TNFRSF1B: variants seen among roughly 807,000 people sequenced by gnomAD.
TNFRSF1B encodes the protein tumor necrosis factor receptor superfamily member 1B.
A neutral mutation model predicts 44.6 loss-of-function variants in TNFRSF1B; 19 were observed. The observed-to-expected ratio is 0.43, with a 90% CI of 0.30 to 0.62. TNFRSF1B has a LOEUF of 0.62. Ranked by LOEUF, TNFRSF1B falls within the 20% of genes least tolerant of loss-of-function variation. The pLI is 0.16. For missense variants in TNFRSF1B, 541 were observed against 619.9 expected (o/e 0.87, Z 1.35); for synonymous variants, 252 against 261.1 (o/e 0.97, Z 0.34).
intron 1 of TNFRSF1B, among the ~76,000 whole-genome samples, chr1:12,176,522 C>T (rs1638660374): frequency 6.6e-6 from 1 of 152,180 alleles, no homozygotes; most frequent in African/African-American, 2.4e-5. Context: ...CTATGAACTC[C>T]TTTATTTAAA....
intron 1 of TNFRSF1B, among the ~76,000 whole-genome samples, chr1:12,173,247 C>G (rs5745961): frequency 2.0e-5 from 3 of 152,108 alleles, no homozygotes; most frequent in Non-Finnish European, 2.9e-5. Context: ...GGGGAAGTGT[C>G]GGCTTTGAGT....
At chr1:12,174,166 C>CTTCTTCTTCTTCTT (rs1557623710) in intron 1 of TNFRSF1B, among the ~76,000 whole-genome samples, 36 of 55,886 alleles carry the variant, frequency 6.4e-4, no homozygotes, top group African/African-American at 1.1e-3. Flanking sequence ...TTCTTCTTCT[C>CTTCTTCTTCTTCTT]CTTCTCCTTC....
chr1:12,198,243 G>A (rs1639312630), intron 8 of TNFRSF1B, among the ~76,000 whole-genome samples: 1 of 152,180 alleles, frequency 6.6e-6, no homozygotes, highest in East Asian at 1.9e-4. Flanking sequence ...GGTGTTGAAC[G>A]GATGCCAGGC....
intron 1 of TNFRSF1B, among the ~76,000 whole-genome samples, chr1:12,182,562 T>TTGAA (rs17885226): frequency 0.21 from 31,170 of 152,006 alleles, 3,338 homozygotes; most frequent in South Asian, 0.26. Flanking sequence ...AGCACGTCTG[T>TTGAA]TGAATGAATG....
At chr1:12,175,063 G>A (rs1638620236) in intron 1 of TNFRSF1B, among the ~76,000 whole-genome samples, 1 of 152,246 alleles carries the variant, frequency 6.6e-6, no homozygotes, top group Non-Finnish European at 1.5e-5. Flanking sequence ...CGCCTGAGTG[G>A]GAGAGCAGAG....
rs1638405343 is a variant in TNFRSF1B at position 12,167,081 on chromosome 1, C to T, written c.-11C>T. 1 of 1,318,068 alleles carries T rather than the reference C, an allele frequency of 7.6e-7. No homozygotes were observed. Among genetic ancestry groups the T allele is most frequent in the Non-Finnish European group, 9.7e-7 (1 of 1,032,344 alleles). The allele number at this position is 1,318,068 out of a possible 1,614,324, so 81.6% of individuals were successfully genotyped here. ...GCGAGGGCAGGGGGCAACCGGACCC[C>T]GCCCGCACCCATGGCGCCCGTCGCC... On this transcript the variant is annotated 5_prime_UTR_variant, in exon 1 of 10. Transcript: ENST00000376259.
chr1:12,174,160 TCTTCTCCTTCTCCTTCTCCTTCTC>T lies in TNFRSF1B; in HGVS notation c.78+7069_78+7092del, dbSNP rs1197180713. ...TTCTTCTTCTTCTTCTTCTTCTTCT[TCTTCTCCTTCTCCTTCTCCTTCTC>T]CTTCTCCTTCTCCTTCTCCTTCTCC... On this transcript the variant is annotated intron_variant, in intron 1 of 9. Transcript: ENST00000376259. Among the ~76,000 whole-genome samples, 297 of 67,714 alleles carry T rather than the reference TCTTCTCCTTCTCCTTCTCCTTCTC, an allele frequency of 4.4e-3. 3 individuals are homozygous for T. Among genetic ancestry groups the T allele is most frequent in the African/African-American group, 9.6e-3 (178 of 18,454 alleles). The allele number at this position is 67,714 out of a possible 152,430, so 44.4% of individuals were successfully genotyped here.
intron 8 of TNFRSF1B, among the ~76,000 whole-genome samples, chr1:12,200,938 AT>A (rs201852144): frequency 1.2e-4 from 18 of 150,390 alleles, no homozygotes; most frequent in African/African-American, 2.2e-4. Context: ...ATTCTTAAAC[AT>A]TTTTTTTTCA....
chr1:12,193,938 TTC>T lies in TNFRSF1B; in HGVS notation c.788-13_788-12del. 6.2e-7 allele frequency: 1 copy of T among 1,610,212 alleles called. No individual in the cohort carries two copies. ...GTTTGTTTTCTGTAGCTGTCTGAGC[TTC>T]TCTTTTCTTTCTAGGACTGATTGTG... On this transcript the variant is annotated splice_polypyrimidine_tract_variant and intron_variant, in intron 6 of 9. Transcript: ENST00000376259.
At position 12,183,736 on chromosome 1, in the gene TNFRSF1B, TCTA is replaced by T. The variant is rs1557629191; in HGVS notation, c.79-5059_79-5057del. 4.0e-3 allele frequency among the ~76,000 whole-genome samples: 508 copies of T among 126,640 alleles called. 7 individuals carry two copies. The highest frequency in any genetic ancestry group is 5.5e-3 in the Non-Finnish European group (304 of 55,406). 83.1% of individuals were successfully genotyped at this position (126,640 alleles called of 152,430 possible). On this transcript the variant is annotated intron_variant, in intron 1 of 9. Transcript: ENST00000376259. ...TTCTATCTACCTATCTATCTATCTA[TCTA>T]TCTATCTATCTAGCTAGCTAGCTAG...
At chr1:12,170,542 G>A (rs976206195) in intron 1 of TNFRSF1B, among the ~76,000 whole-genome samples, 11 of 152,342 alleles carry the variant, frequency 7.2e-5, no homozygotes, top group Admixed American at 5.9e-4. Flanking sequence ...GCTGGGTGAC[G>A]CTTTATGGTC....
At position 12,169,896 on chromosome 1, in the gene TNFRSF1B, T is replaced by C. The variant is rs1638484086; in HGVS notation, c.78+2727T>C. Among the ~76,000 whole-genome samples the C allele has an allele frequency of 3.9e-5, 6 of 152,172 alleles. No individual in the cohort carries two copies. The highest frequency in any genetic ancestry group is 3.9e-4 in the Admixed American group (6 of 15,284). On this transcript the variant is annotated intron_variant, in intron 1 of 9. Coordinates refer to ENST00000376259, the MANE Select transcript of TNFRSF1B (RefSeq NM_001066.3). This position sits in a 1 kb window ranked among gnomAD's most constrained non-coding sequence, Gnocchi z 4.5. ...CACCTACCCCTGGAAGTCTTGGTGC[T>C]GAGGTGCCACTATTTGCCTCCTCAT...
chr1:12,191,637 T>G, intron 3 of TNFRSF1B, 137 bp from the exon 4 acceptor site: 5 of 999,308 alleles, frequency 5.0e-6, no homozygotes, highest in Non-Finnish European at 7.6e-6. Context: ...CTCTGGCCGG[T>G]GTTGTGTGTG....
At chr1:12,190,479 A>AAAAAAAC in intron 2 of TNFRSF1B, among the ~76,000 whole-genome samples, 1 of 151,242 alleles carries the variant, frequency 6.6e-6, no homozygotes, top group Admixed American at 6.6e-5. Flanking sequence ...AAAAAAAAAA[A>AAAAAAAC]AGCAGCTACT....
At chr1:12,203,146 C>A (rs1570176041) in intron 9 of TNFRSF1B, among the ~76,000 whole-genome samples, 1 of 152,250 alleles carries the variant, frequency 6.6e-6, no homozygotes, top group Non-Finnish European at 1.5e-5. Context: ...CAGGGAATGA[C>A]CATGAACTTG....
rs1047903581 is a variant in TNFRSF1B at position 12,198,742 on chromosome 1, G to C, written c.901-3225G>C. 5.0e-5 allele frequency among the ~76,000 whole-genome samples: 7 copies of C among 140,198 alleles called. No individual in the cohort carries two copies. The South Asian group carries it at 1.1e-3, about 22-fold the overall frequency. 92.0% of individuals were successfully genotyped at this position (140,198 alleles called of 152,430 possible). On this transcript the variant is annotated intron_variant, in intron 8 of 9. Transcript: ENST00000376259. ...GTCTTGCTTTGTCGCCCAGGCTGGAGTGCAGTGGCACAATCTTGGCTCACT... is the reference window on the plus strand; with the variant it reads ...GTCTTGCTTTGTCGCCCAGGCTGGACTGCAGTGGCACAATCTTGGCTCACT...
intron 1 of TNFRSF1B, among the ~76,000 whole-genome samples, chr1:12,174,166 C>CTTCTTCTTCTTCTTCTT (rs1557623710): frequency 2.7e-4 from 15 of 55,902 alleles, no homozygotes; most frequent in Non-Finnish European, 3.2e-4. Context: ...TTCTTCTTCT[C>CTTCTTCTTCTTCTTCTT]CTTCTCCTTC....
Position 12,183,744 on chromosome 1 carries a change from T to C in TNFRSF1B, c.79-5052T>C, listed in dbSNP as rs143481194. Among the ~76,000 whole-genome samples the C allele has an allele frequency of 3.1e-3, 321 of 103,756 alleles. 2 individuals are homozygous for C. The highest frequency in any genetic ancestry group is 5.2e-3 in the Middle Eastern group (1 of 192). The allele number at this position is 103,756 out of a possible 152,430, so 68.1% of individuals were successfully genotyped here. On this transcript the variant is annotated intron_variant, in intron 1 of 9. Coordinates refer to ENST00000376259, the MANE Select transcript of TNFRSF1B (RefSeq NM_001066.3). ...ACCTATCTATCTATCTATCTATCTA[T>C]CTATCTAGCTAGCTAGCTAGCTAGC... is the stretch of plus-strand genomic sequence containing the variant.
intron 2 of TNFRSF1B, among the ~76,000 whole-genome samples, chr1:12,189,419 TG>T (rs1292328498): frequency 6.6e-6 from 1 of 152,216 alleles, no homozygotes; most frequent in Non-Finnish European, 1.5e-5. Context: ...CCCCAGCACG[TG>T]GCGCAATGCC....
Sources: allele counts gnomAD v4.1 joint callset (sites outside exome capture counted in the v4.1 genomes callset), GRCh38; gene constraint gnomAD v4.1.1; non-coding constraint Gnocchi (gnomAD v3.1); transcripts MANE v1.5; gene names NCBI Gene and HGNC (gene_info 2026-07-23, HGNC 2026-07-21).